Variants in RGP1 observed in about 807,000 individuals in gnomAD.
RGP1 encodes the protein RAB6A-GEF complex partner protein 2.
Under a neutral mutation model 44.5 loss-of-function variants are expected in RGP1, and 28 were observed. That is an observed-to-expected ratio of 0.63 (90% CI 0.47 to 0.86). The LOEUF is 0.86. RGP1 is among the 40% of genes least tolerant of loss of function. RGP1 has a pLI of 0.00. For synonymous variants in RGP1, 212 were observed against 196.7 expected, an observed-to-expected ratio of 1.08 and a Z score of -0.65; for missense variants, 417 against 490.7, an observed-to-expected ratio of 0.85 and a Z score of 1.42.
intron 5 of RGP1, 33 bp downstream of exon 5, chr9:35,751,022 G>A: frequency 6.2e-7 from 1 of 1,610,020 alleles, no homozygotes; most frequent in Non-Finnish European, 8.5e-7. Flanking sequence ...AAGGGCTGGG[G>A]AAGGGCGATG....
chr9:35,770,416 T>A, the RGP1 span, among the ~76,000 whole-genome samples: 1 of 151,204 alleles, frequency 6.6e-6, no homozygotes, highest in Non-Finnish European at 1.5e-5. Context: ...ATTTGAAAGC[T>A]GATAGAAATG....
At chr9:35,758,880 G>A (rs191401892), downstream of RGP1, among the ~76,000 whole-genome samples, 40 of 151,092 alleles carry the variant, frequency 2.6e-4, no homozygotes, top group South Asian at 8.4e-4. Flanking sequence ...GAAATCTTCC[G>A]TTTTTCCTCC....
chr9:35,752,585 A>G, intron 8 of RGP1, 66 bp from the exon 9 acceptor site: 1 of 1,286,360 alleles, frequency 7.8e-7, no homozygotes, highest in Non-Finnish European at 1.1e-6. Context: ...CACTAACTAT[A>G]TCCTGTCATT....
In RGP1 at chr9:35,753,891, C is replaced by T. The variant is rs1382290252; in HGVS notation, c.*1017C>T. 4 of 1,551,590 alleles carry T rather than the reference C, an allele frequency of 2.6e-6. No individual in the cohort carries two copies. The African/African-American group carries it at 5.4e-5, about 21-fold the overall frequency. On this transcript the variant is annotated 3_prime_UTR_variant, in exon 9 of 9. Transcript: ENST00000378078. The surrounding 1 kb of genome is among the most constrained non-coding windows in gnomAD (Gnocchi z 4.2). ...CGTATTTAGTTTGTCTTTCCTGTTT[C>T]ACAGCTGGAGGAAGCCTGGGTATTT...
intron 8 of RGP1, 102 bp from the exon 9 acceptor site, chr9:35,752,549 T>C: frequency 9.3e-7 from 1 of 1,071,658 alleles, no homozygotes; most frequent in Non-Finnish European, 1.4e-6. Flanking sequence ...CCTGTCTTCC[T>C]GAACACAGAT....
At chr9:35,766,297 A>G in the RGP1 span, among the ~76,000 whole-genome samples, 2 of 152,108 alleles carry the variant, frequency 1.3e-5, no homozygotes, top group Non-Finnish European at 2.9e-5. Flanking sequence ...AAATCTATTC[A>G]AAGTATTTGC....
chr9:35,773,095 A>G, the RGP1 span, among the ~76,000 whole-genome samples: 1 of 152,048 alleles, frequency 6.6e-6, no homozygotes, highest in Non-Finnish European at 1.5e-5. Flanking sequence ...ATACATAATT[A>G]TTGAAAAGTA....
downstream of RGP1, among the ~76,000 whole-genome samples, chr9:35,761,416 A>G (rs2132043166): frequency 6.6e-6 from 1 of 152,338 alleles, no homozygotes; most frequent in South Asian, 2.1e-4. Flanking sequence ...CATGCCTGTA[A>G]TCCCAGCACT....
At chr9:35,752,582 T>G in intron 8 of RGP1, 69 bp from the exon 9 acceptor site, 1 of 1,271,492 alleles carries the variant, frequency 7.9e-7, no homozygotes, top group Non-Finnish European at 1.1e-6. Flanking sequence ...ATTCACTAAC[T>G]ATATCCTGTC....
chr9:35,749,987 G>A lies in RGP1; in HGVS notation c.116+116G>A. ...GACACCACCTCCTCTTGCTCACTGT[G>A]CTGTCATTGTAGGAGAGGGCTCTTT... On this transcript the variant is annotated intron_variant, in intron 2 of 8. Transcript: ENST00000378078. The surrounding 1 kb of genome is among the most constrained non-coding windows in gnomAD (Gnocchi z 4.4). 2 of 894,540 alleles carry A rather than the reference G, an allele frequency of 2.2e-6. No homozygotes were observed. Among genetic ancestry groups the A allele is most frequent in the Non-Finnish European group, 3.5e-6 (2 of 574,002 alleles). The allele number at this position is 894,540 out of a possible 1,614,324, so 55.4% of individuals were successfully genotyped here.
Position 35,753,558 on chromosome 9 carries a change from C to T in RGP1, c.*684C>T. 9.8e-7 allele frequency: 1 copy of T among 1,024,476 alleles called. No homozygotes were observed. Among genetic ancestry groups the T allele is most frequent in the Non-Finnish European group, 1.5e-6 (1 of 681,252 alleles). 63.5% of individuals were successfully genotyped at this position (1,024,476 alleles called of 1,614,324 possible). A position where few individuals can be genotyped will look rare whatever the true frequency, so the allele number is the denominator to read the frequency against. Reference sequence around the variant, plus strand: ...TTCAGGTTTGGCCCATCTTGTATTGCTCTTCTGTTCATTCTTACATCACAG... The same window carrying T: ...TTCAGGTTTGGCCCATCTTGTATTGTTCTTCTGTTCATTCTTACATCACAG... On this transcript the variant is annotated 3_prime_UTR_variant, in exon 9 of 9. Transcript: ENST00000378078. This position sits in a 1 kb window ranked among gnomAD's most constrained non-coding sequence, Gnocchi z 4.2.
chr9:35,772,715 T>C, the RGP1 span, among the ~76,000 whole-genome samples: 2 of 146,644 alleles, frequency 1.4e-5, no homozygotes, highest in Middle Eastern at 3.3e-3. Flanking sequence ...GGCGTGAACC[T>C]GGGAGGCGGA....
the RGP1 span, among the ~76,000 whole-genome samples, chr9:35,772,563 G>A: frequency 6.6e-6 from 1 of 151,824 alleles, no homozygotes; most frequent in South Asian, 2.1e-4. Flanking sequence ...GGAGGCCGAG[G>A]CAGGCGGATC....
chr9:35,749,670 T>C lies in RGP1; in HGVS notation c.-19-67T>C. 1.1e-6 allele frequency: 1 copy of C among 917,598 alleles called. No individual in the cohort carries two copies. The highest frequency in any genetic ancestry group is 1.8e-6 in the Non-Finnish European group (1 of 568,610). 56.8% of individuals were successfully genotyped at this position (917,598 alleles called of 1,614,324 possible). A position where few individuals can be genotyped will look rare whatever the true frequency, so the allele number is the denominator to read the frequency against. ...CACCCCTGTCCTCAGCCCTCAGCCC[T>C]AGGTGCTCACCGCAACGCCCCTCCC... On this transcript the variant is annotated intron_variant, in intron 1 of 8. Coordinates refer to ENST00000378078, the MANE Select transcript of RGP1 (RefSeq NM_001080496.3). The surrounding 1 kb of genome is among the most constrained non-coding windows in gnomAD (Gnocchi z 4.4).
the RGP1 span, among the ~76,000 whole-genome samples, chr9:35,783,021 C>T: frequency 6.6e-6 from 1 of 151,786 alleles, no homozygotes; most frequent in African/African-American, 2.4e-5. Flanking sequence ...GTTGGTCGGG[C>T]TGGTCTCTAA....
rs1290561515 is a variant in RGP1 at position 35,749,716 on chromosome 9, C to T, written c.-19-21C>T. On this transcript the variant is annotated intron_variant, in intron 1 of 8. Transcript: ENST00000378078. This position sits in a 1 kb window ranked among gnomAD's most constrained non-coding sequence, Gnocchi z 4.4. The stretch of plus-strand genomic sequence containing the variant: ...CTCCCTGTCAAGGTGCTGACCTCCG[C>T]CCCGCCTTGTTTCCTTCTAGATCTG... 4.7e-6 allele frequency: 7 copies of T among 1,475,290 alleles called. No homozygotes were observed. The highest frequency in any genetic ancestry group is 1.2e-5 in the South Asian group (1 of 86,742). 91.4% of individuals were successfully genotyped at this position (1,475,290 alleles called of 1,614,324 possible).
the RGP1 span, among the ~76,000 whole-genome samples, chr9:35,779,336 A>C: frequency 0.2 from 29,885 of 151,970 alleles, 3,096 homozygotes; most frequent in East Asian, 0.31. Flanking sequence ...TAAAGTAAGC[A>C]AGGGAGTATG....
At position 35,752,628 on chromosome 9, in the gene RGP1, A is replaced by T. The variant is rs181056867; in HGVS notation, c.953-23A>T. 6.9e-5 allele frequency: 109 copies of T among 1,568,440 alleles called. 1 individual carries two copies. The highest frequency in any genetic ancestry group is 6.7e-4 in the Middle Eastern group (4 of 6,006). On this transcript the variant is annotated intron_variant, in intron 8 of 8. Transcript: ENST00000378078. ...ACTCCTGCTAGCTTCTGATGCTTCTACCTTAATCTTTTTCTTCCATAGTGT... is the reference window on the plus strand; with the variant it reads ...ACTCCTGCTAGCTTCTGATGCTTCTTCCTTAATCTTTTTCTTCCATAGTGT...
At position 35,753,649 on chromosome 9, in the gene RGP1, T is replaced by C. The variant is rs1426450043; in HGVS notation, c.*775T>C. ...CAGAGTCATTCTCTCTGGCCATCTTTGGTCACTCACGTGTCACAGCAGCCC... is the reference window on the plus strand; with the variant it reads ...CAGAGTCATTCTCTCTGGCCATCTTCGGTCACTCACGTGTCACAGCAGCCC... On this transcript the variant is annotated 3_prime_UTR_variant, in exon 9 of 9. Transcript: ENST00000378078. The surrounding 1 kb of genome is among the most constrained non-coding windows in gnomAD (Gnocchi z 4.2). 1.9e-6 allele frequency: 3 copies of C among 1,607,312 alleles called. No individual in the cohort carries two copies. The highest frequency in any genetic ancestry group is 2.6e-6 in the Non-Finnish European group (3 of 1,174,136).
Sources: allele counts gnomAD v4.1 joint callset (sites outside exome capture counted in the v4.1 genomes callset), GRCh38; gene constraint gnomAD v4.1.1; non-coding constraint Gnocchi (gnomAD v3.1); transcripts MANE v1.5; gene names NCBI Gene and HGNC (gene_info 2026-07-23, HGNC 2026-07-21).